ARSG: variants seen among roughly 807,000 people sequenced by gnomAD.
ARSG encodes arylsulfatase G, also known as ASG.
Under a neutral mutation model 50.5 loss-of-function variants are expected in ARSG, and 37 were observed. The ratio of observed to expected loss-of-function variants is 0.73; its 90% confidence interval spans 0.56 to 0.96. The LOEUF (loss-of-function observed/expected upper bound fraction) is 0.96, where lower values mean the gene tolerates loss of function less well. ARSG is among the 50% of genes least tolerant of loss of function. The pLI is 0.00. For missense variants in ARSG, 629 were observed against 675.3 expected (o/e 0.93, Z 0.76); for synonymous variants, 225 against 254.6 (o/e 0.88, Z 1.11).
chr17:68,446,761 C>T, the ARSG span, among the ~76,000 whole-genome samples: 2 of 152,340 alleles, frequency 1.3e-5, no homozygotes, highest in Non-Finnish European at 2.9e-5. Flanking sequence ...ATATGCCTCT[C>T]CTAGAAACAG....
At chr17:68,406,753 C>A (rs367864019) in intron 11 of ARSG, among the ~76,000 whole-genome samples, 1 of 151,990 alleles carries the variant, frequency 6.6e-6, no homozygotes, top group Admixed American at 6.6e-5. Flanking sequence ...GTTTGAGTTC[C>A]TTGTAGGTTC....
At chr17:68,420,024 C>A (rs147196802) in intron 11 of ARSG, among the ~76,000 whole-genome samples, 165 bp from the exon 12 acceptor site, 224 of 152,072 alleles carry the variant, frequency 1.5e-3, no homozygotes, top group African/African-American at 5.2e-3. Flanking sequence ...CTGGAAGGAG[C>A]AAATAGATTC....
chr17:68,430,241 T>C, the ARSG span: 1 of 1,399,544 alleles, frequency 7.1e-7, no homozygotes, highest in East Asian at 2.3e-5. Context: ...CCAAGCGTCA[T>C]TAGCCACACT....
intron 1 of ARSG, chr17:68,270,712 C>T: frequency 1.3e-6 from 1 of 797,374 alleles, no homozygotes; most frequent in Non-Finnish European, 2.0e-6. Context: ...ATCTCTAATC[C>T]CTGGCAGCTC....
intron 6 of ARSG, among the ~76,000 whole-genome samples, chr17:68,358,288 G>A (rs1358754803): frequency 6.6e-6 from 1 of 152,124 alleles, no homozygotes; most frequent in East Asian, 1.9e-4. Flanking sequence ...GCTCCTACCT[G>A]TAATCCCAGT....
At chr17:68,437,108 T>C in the ARSG span, among the ~76,000 whole-genome samples, 8 of 152,200 alleles carry the variant, frequency 5.3e-5, no homozygotes, top group Admixed American at 6.5e-5. Flanking sequence ...AATTCCATTA[T>C]CCTCTAGGGT....
At chr17:68,436,405 C>G in the ARSG span, 2 of 1,613,982 alleles carry the variant, frequency 1.2e-6, no homozygotes, top group Non-Finnish European at 1.7e-6. Context: ...TCATAAAGCA[C>G]AATCTCCCCT....
At chr17:68,402,941 A>G (rs552300728) in intron 11 of ARSG, among the ~76,000 whole-genome samples, 13 of 152,340 alleles carry the variant, frequency 8.5e-5, no homozygotes, top group Admixed American at 7.2e-4. Flanking sequence ...AAGTAAATGA[A>G]AAACAAAAAA....
At chr17:68,397,532 C>G (rs2081297445) in intron 10 of ARSG, among the ~76,000 whole-genome samples, 1 of 152,048 alleles carries the variant, frequency 6.6e-6, no homozygotes, top group Non-Finnish European at 1.5e-5. Flanking sequence ...TCCTCTCTAT[C>G]AAAGCAAAGT....
At chr17:68,429,383 C>A in the ARSG span, among the ~76,000 whole-genome samples, 175 of 152,270 alleles carry the variant, frequency 1.1e-3, no homozygotes, top group African/African-American at 3.2e-3. Flanking sequence ...AAACATCTGT[C>A]AGCCCCATAG....
intron 1 of ARSG, among the ~76,000 whole-genome samples, chr17:68,260,325 C>A (rs557008165): frequency 1.3e-5 from 2 of 152,264 alleles, no homozygotes; most frequent in East Asian, 3.9e-4. Context: ...AGTAAAATAT[C>A]ACCAACCAGA....
At chr17:68,395,297 C>A in intron 10 of ARSG, 104 bp downstream of exon 10, 1 of 1,529,120 alleles carries the variant, frequency 6.5e-7, no homozygotes, top group South Asian at 1.2e-5. Context: ...TGGTCAAGAA[C>A]AGGCTGCAGG....
At chr17:68,317,245 G>A (rs1266332660) in intron 2 of ARSG, among the ~76,000 whole-genome samples, 1 of 152,108 alleles carries the variant, frequency 6.6e-6, no homozygotes, top group East Asian at 1.9e-4. Flanking sequence ...AGATAAAATA[G>A]GGATTATGGC....
chr17:68,348,563 G>A (rs1426401476), intron 4 of ARSG, among the ~76,000 whole-genome samples: 1 of 151,992 alleles, frequency 6.6e-6, no homozygotes, highest in African/African-American at 2.4e-5. Flanking sequence ...TCCTCTCTGC[G>A]GTGCACTGTC....
intron 5 of ARSG, among the ~76,000 whole-genome samples, chr17:68,352,512 CTTT>C (rs368506056): frequency 7.2e-6 from 1 of 139,752 alleles, no homozygotes; most frequent in African/African-American, 2.6e-5. Context: ...TTTTTTCTTT[CTTT>C]TTTTTTTTTT....
intron 11 of ARSG, among the ~76,000 whole-genome samples, chr17:68,402,771 C>T (rs1406787867): frequency 2.0e-5 from 3 of 152,116 alleles, no homozygotes; most frequent in Admixed American, 6.6e-5. Context: ...GTGATCCACC[C>T]GCCTCGGCCT....
chr17:68,315,703 G>T (rs1474627785), intron 2 of ARSG, among the ~76,000 whole-genome samples: 1 of 152,102 alleles, frequency 6.6e-6, no homozygotes, highest in Non-Finnish European at 1.5e-5. Flanking sequence ...CGCGATCTTG[G>T]CTCACTATAA....
At chr17:68,360,775 A>G (rs1055372855) in intron 6 of ARSG, among the ~76,000 whole-genome samples, 1 of 152,172 alleles carries the variant, frequency 6.6e-6, no homozygotes, top group Non-Finnish European at 1.5e-5. Context: ...GCAGGAGTGT[A>G]TCGGGCATCA....
At chr17:68,435,705 A>G in the ARSG span, 3 of 1,614,176 alleles carry the variant, frequency 1.9e-6, no homozygotes, top group South Asian at 1.1e-5. Flanking sequence ...AATAGTGCAG[A>G]CTGTTTTCTG....
Sources: gnomAD v4.1 joint callset for allele counts (sites outside exome capture counted in the v4.1 genomes callset) on GRCh38, gnomAD v4.1.1 for gene constraint, MANE v1.5 for transcripts, NCBI Gene and HGNC (gene_info 2026-07-23, HGNC 2026-07-21) for gene names.